The following DCUN1D1 variants were observed in gnomAD, a reference collection of about 807,000 sequenced individuals.
DCUN1D1 encodes DCN1-like protein 1.
In DCUN1D1, 3 loss-of-function variants were observed where a neutral mutation model predicts 39.0. The observed-to-expected ratio is 0.08, with a 90% CI of 0.04 to 0.20. The LOEUF (loss-of-function observed/expected upper bound fraction) is 0.20. Among genes scored for constraint, DCUN1D1 ranks in the 10% least tolerant of loss-of-function variants. The probability of loss-of-function intolerance (pLI) is 1.00; values close to 1 mark genes in which losing one functional copy is unlikely to be tolerated. For synonymous variants in DCUN1D1, 82 were observed against 96.3 expected (o/e 0.85, Z 0.87); for missense variants, 158 against 302.4 (o/e 0.52, Z 3.54).
intron 1 of DCUN1D1, among the ~76,000 whole-genome samples, chr3:182,972,848 G>A (rs923624772): frequency 6.6e-6 from 1 of 152,154 alleles, no homozygotes; most frequent in East Asian, 1.9e-4. Flanking sequence ...TCCGAGACCA[G>A]CCTGATCAAC....
intron 1 of DCUN1D1, among the ~76,000 whole-genome samples, chr3:182,970,730 G>A (rs1042462137): frequency 6.6e-5 from 10 of 152,120 alleles, no homozygotes; most frequent in Non-Finnish European, 1.3e-4. Flanking sequence ...TTATCATATT[G>A]ACAGTTTAAC....
chr3:182,985,314 G>T (rs1371891447), upstream of DCUN1D1, among the ~76,000 whole-genome samples: 1 of 152,018 alleles, frequency 6.6e-6, no homozygotes, highest in African/African-American at 2.4e-5. Flanking sequence ...TGACTGCCTG[G>T]GCCTCTTTCA....
intron 1 of DCUN1D1, among the ~76,000 whole-genome samples, chr3:182,968,350 C>T (rs1308490258): frequency 6.6e-6 from 1 of 152,202 alleles, no homozygotes; most frequent in Non-Finnish European, 1.5e-5. Context: ...CTGTTCCCTG[C>T]AGGGTCAATC....
chr3:182,967,338 G>A (rs560649356), intron 1 of DCUN1D1, among the ~76,000 whole-genome samples: 1 of 152,116 alleles, frequency 6.6e-6, no homozygotes, highest in Admixed American at 6.5e-5. Context: ...CAAGAACAAA[G>A]AGGTCTCATG....
intron 1 of DCUN1D1, among the ~76,000 whole-genome samples, chr3:182,968,432 C>T (rs1727776922): frequency 6.6e-6 from 1 of 152,098 alleles, no homozygotes; most frequent in African/African-American, 2.4e-5. Flanking sequence ...ACTATTCATT[C>T]TACTATACTA....
upstream of DCUN1D1, chr3:182,980,683 G>T: frequency 3.1e-6 from 2 of 646,760 alleles, no homozygotes; most frequent in Non-Finnish European, 3.9e-6. Context: ...GGCGCCCCGC[G>T]CGGGGCTTCC....
At chr3:182,954,715 T>C (rs770759139) in intron 4 of DCUN1D1, among the ~76,000 whole-genome samples, 1 of 152,216 alleles carries the variant, frequency 6.6e-6, no homozygotes, top group Admixed American at 6.5e-5. Flanking sequence ...TTCTGCTTTT[T>C]AACATGCAAA....
rs1560158529 is a variant in DCUN1D1 at position 182,945,016 on chromosome 3, G to A, written c.*78C>T. ...GAGGATTGATCTTCAGTTCAGTCCAGCCAGCAGAAATTGACTGTGCAATTT... is the reference window on the plus strand; with the variant it reads ...GAGGATTGATCTTCAGTTCAGTCCAACCAGCAGAAATTGACTGTGCAATTT... On this transcript the variant is annotated 3_prime_UTR_variant, in exon 7 of 7. Transcript: ENST00000292782. The A allele has an allele frequency of 2.4e-6, 3 of 1,251,902 alleles. No homozygotes were observed. The highest frequency in any genetic ancestry group is 4.7e-5 in the East Asian group (2 of 42,724). 77.5% of individuals were successfully genotyped at this position (1,251,902 alleles called of 1,614,324 possible).
At chr3:182,973,675 C>T (rs544346735) in intron 1 of DCUN1D1, among the ~76,000 whole-genome samples, 3 of 151,868 alleles carry the variant, frequency 2.0e-5, no homozygotes, top group South Asian at 2.1e-4. Flanking sequence ...GGCATGGTGG[C>T]GTGCGCCTGT....
In DCUN1D1 at chr3:182,942,478, TTCATC is replaced by T. The variant is rs1198917807; in HGVS notation, c.*2611_*2615del. 6.6e-6 allele frequency: 1 copy of T among 152,050 alleles called. No individual in the cohort carries two copies. Among genetic ancestry groups the T allele is most frequent in the Non-Finnish European group, 1.5e-5 (1 of 67,984 alleles). The allele number at this position is 152,050 out of a possible 1,614,324, so 9.4% of individuals were successfully genotyped here. ...CAGATGATATTCACTAAAGATAATCTTCATCTCAAGTATTTTTTATATGTGGGCAC... is the reference window on the plus strand; with the variant it reads ...CAGATGATATTCACTAAAGATAATCTTCAAGTATTTTTTATATGTGGGCAC... On this transcript the variant is annotated 3_prime_UTR_variant, in exon 7 of 7. Coordinates refer to ENST00000292782, the MANE Select transcript of DCUN1D1 (RefSeq NM_020640.4).
At chr3:182,980,147 CCCCTCCCCT>C in intron 1 of DCUN1D1, 2 of 740,428 alleles carry the variant, frequency 2.7e-6, no homozygotes, top group Non-Finnish European at 3.3e-6. Context: ...AGGCCGTTGC[CCCCTCCCCT>C]CCCCCCGCCC....
At chr3:182,948,287 A>G (rs969561970) in intron 4 of DCUN1D1, among the ~76,000 whole-genome samples, 1 of 152,208 alleles carries the variant, frequency 6.6e-6, no homozygotes, top group Non-Finnish European at 1.5e-5. Flanking sequence ...CTAAAACTTA[A>G]AATTAATAAG....
chr3:182,945,771 C>T lies in DCUN1D1; in HGVS notation c.701-598G>A, dbSNP rs1051696348. Among the ~76,000 whole-genome samples the T allele has an allele frequency of 4.6e-5, 7 of 152,256 alleles. No homozygotes were observed. The South Asian group carries it at 1.2e-3, about 27-fold the overall frequency. ...AATTCCATCCTATTTCATGCTAATA[C>T]GTTACTAAAAGGTGTAAAATTGCAT... On this transcript the variant is annotated intron_variant, in intron 6 of 6. Coordinates refer to ENST00000292782, the MANE Select transcript of DCUN1D1 (RefSeq NM_020640.4).
chr3:182,964,006 C>T lies in DCUN1D1; in HGVS notation c.264G>A (p.Gln88=). Reference sequence around the variant, plus strand: ...GATCGAGTGCCAGGTCATCACAGAACTGCTGTATGCCATCTATTCCAATTT... The same window carrying T: ...GATCGAGTGCCAGGTCATCACAGAATTGCTGTATGCCATCTATTCCAATTT... ...ENKIGIDGIQ[Q]FCDDLALDPA... The change falls in exon 3 of 7, where the codon CAG becomes CAA. Residue 88 remains glutamine, a synonymous_variant. Coordinates refer to ENST00000292782, the MANE Select transcript of DCUN1D1 (RefSeq NM_020640.4). 6.2e-7 allele frequency: 1 copy of T among 1,613,852 alleles called. No individual in the cohort carries two copies. The highest frequency in any genetic ancestry group is 8.5e-7 in the Non-Finnish European group (1 of 1,179,844).
At chr3:182,965,509 T>G in intron 2 of DCUN1D1, 28 bp downstream of exon 2, 1 of 1,510,356 alleles carries the variant, frequency 6.6e-7, no homozygotes, top group Non-Finnish European at 9.1e-7. Context: ...GGTCCAAAAT[T>G]TACTTAAAGT....
Position 182,944,070 on chromosome 3 carries a change from C to T in DCUN1D1, c.*1024G>A, listed in dbSNP as rs1239291492. ...AAAGATTGAACTTCATGGCTCATTA[C>T]AACCATTTTCAAAATTTAACTGCAA... On this transcript the variant is annotated 3_prime_UTR_variant, in exon 7 of 7. Transcript: ENST00000292782. The T allele has an allele frequency of 6.6e-6, 1 of 152,474 alleles. No individual in the cohort carries two copies. Among genetic ancestry groups the T allele is most frequent in the Non-Finnish European group, 1.5e-5 (1 of 67,990 alleles). The allele number at this position is 152,474 out of a possible 1,614,324, so 9.4% of individuals were successfully genotyped here. A position where few individuals can be genotyped will look rare whatever the true frequency, so the allele number is the denominator to read the frequency against.
intron 1 of DCUN1D1, among the ~76,000 whole-genome samples, chr3:182,970,807 G>A (rs761115281): frequency 6.6e-6 from 1 of 152,162 alleles, no homozygotes; most frequent in Non-Finnish European, 1.5e-5. Flanking sequence ...ATAATACACG[G>A]TATTCAGCAG....
intron 4 of DCUN1D1, among the ~76,000 whole-genome samples, chr3:182,954,614 G>C (rs996076746): frequency 2.0e-5 from 3 of 151,710 alleles, no homozygotes; most frequent in African/African-American, 7.3e-5. Flanking sequence ...CATTTCACGA[G>C]AAAAAAGGTA....
At chr3:182,965,467 A>G (rs1176736791) in intron 2 of DCUN1D1, 70 bp downstream of exon 2, 3 of 971,222 alleles carry the variant, frequency 3.1e-6, no homozygotes, top group Non-Finnish European at 4.7e-6. Flanking sequence ...ATAGTATTTC[A>G]TTTCTCATAA....
Sources: gnomAD v4.1 joint callset for allele counts (sites outside exome capture counted in the v4.1 genomes callset) on GRCh38, gnomAD v4.1.1 for gene constraint, MANE v1.5 for transcripts, NCBI Gene and HGNC (gene_info 2026-07-23, HGNC 2026-07-21) for gene names.